TSPAN10: variants seen among roughly 807,000 people sequenced by gnomAD.
TSPAN10 encodes tetraspanin 10.
In TSPAN10, 11 loss-of-function variants were observed where a neutral mutation model predicts 15.0. The observed-to-expected ratio is 0.73, with a 90% CI of 0.46 to 1.21. The LOEUF (loss-of-function observed/expected upper bound fraction) is 1.21, where lower values mean the gene tolerates loss of function less well. TSPAN10 is among the 50% of genes most tolerant of loss of function. TSPAN10 has a pLI of 0.00. For synonymous variants in TSPAN10, 241 were observed against 226.2 expected, an observed-to-expected ratio of 1.07 and a Z score of -0.59; for missense variants, 486 against 470.6, an observed-to-expected ratio of 1.03 and a Z score of -0.30.
At chr17:81,643,435 C>A (rs1465869611) in intron 1 of TSPAN10, among the ~76,000 whole-genome samples, 1 of 54,302 alleles carries the variant, frequency 1.8e-5, no homozygotes, top group African/African-American at 1.1e-4. Context: ...AACGGTGAAA[C>A]CCTGTCTCTA....
At chr17:81,641,597 A>G (rs914271148), upstream of TSPAN10, among the ~76,000 whole-genome samples, 1 of 139,176 alleles carries the variant, frequency 7.2e-6, no homozygotes, top group Non-Finnish European at 1.5e-5. Context: ...TGCACCACCC[A>G]GACCACCTCT....
chr17:81,641,736 C>T (rs900280305), upstream of TSPAN10, among the ~76,000 whole-genome samples: 9 of 133,196 alleles, frequency 6.8e-5, no homozygotes, highest in Non-Finnish European at 1.2e-4. Context: ...GGCAGCACAG[C>T]AGAACCCTGT....
At chr17:81,645,226 G>T in exon 2 of TSPAN10, 1 of 1,541,078 alleles carries the variant, frequency 6.5e-7, no homozygotes, top group South Asian at 1.3e-5. Flanking sequence ...CTCCCTGCTG[G>T]GGCTGCTGGC....
chr17:81,646,819 G>A (rs2036260490), intron 2 of TSPAN10, among the ~76,000 whole-genome samples: 1 of 151,728 alleles, frequency 6.6e-6, no homozygotes, highest in South Asian at 2.1e-4. Context: ...CTTATATTCT[G>A]CTCAAGGGTA....
chr17:81,642,939 C>T (rs866169623), intron 1 of TSPAN10, among the ~76,000 whole-genome samples: 1 of 151,362 alleles, frequency 6.6e-6, no homozygotes, highest in Non-Finnish European at 1.5e-5. Context: ...ATTGCGTGAG[C>T]CCAGGAGTTC....
At chr17:81,645,421 G>T (rs1339860033) in exon 2 of TSPAN10, 13 of 1,603,018 alleles carry the variant, frequency 8.1e-6, no homozygotes, top group Non-Finnish European at 1.1e-5. Context: ...CTTCTCTGGG[G>T]GCATCCTTGC....
At chr17:81,648,191 G>T in exon 3 of TSPAN10, 1 of 1,400,554 alleles carries the variant, frequency 7.1e-7, no homozygotes, top group South Asian at 1.6e-5. Flanking sequence ...CTCGCTGCCC[G>T]CAGGGGGGCG....
upstream of TSPAN10, chr17:81,637,500 G>A (rs2036119680): frequency 1.5e-6 from 1 of 658,302 alleles, no homozygotes; most frequent in Non-Finnish European, 2.8e-6. Flanking sequence ...AAACAAACGA[G>A]TTTAAACTGC....
chr17:81,646,837 TTTTG>T (rs1333255308), intron 2 of TSPAN10, among the ~76,000 whole-genome samples: 1 of 47,532 alleles, frequency 2.1e-5, no homozygotes, highest in Non-Finnish European at 3.4e-5. Context: ...GTAGCTGTCT[TTTTG>T]TTGGTTTGTT....
upstream of TSPAN10, chr17:81,638,590 T>C (rs1290313778): frequency 6.6e-6 from 1 of 152,276 alleles, no homozygotes; most frequent in Non-Finnish European, 1.5e-5. Context: ...TGAGCCACCG[T>C]GCCCGGCTGG....
chr17:81,642,346 A>G (rs1160876373), upstream of TSPAN10: 1 of 1,598,108 alleles, frequency 6.3e-7, no homozygotes, highest in Non-Finnish European at 8.6e-7. Context: ...CCAGCAGCCC[A>G]GCCACAGAGG....
At chr17:81,647,618 C>T (rs1057437497) in intron 2 of TSPAN10, 1 of 655,370 alleles carries the variant, frequency 1.5e-6, no homozygotes, top group South Asian at 1.6e-5. Context: ...TGTCTGTTCC[C>T]CCTTCAACCG....
exon 2 of TSPAN10, chr17:81,645,119 A>C: frequency 1.3e-6 from 2 of 1,583,832 alleles, no homozygotes; most frequent in African/African-American, 2.7e-5. Flanking sequence ...ACCAAGCACC[A>C]GGCCTTGAGT....
At chr17:81,642,331 C>G, upstream of TSPAN10, 1 of 1,556,144 alleles carries the variant, frequency 6.4e-7, no homozygotes, top group Non-Finnish European at 8.9e-7. Context: ...GCAGTCAGGA[C>G]CAGCCCAGCA....
chr17:81,640,110 G>T (rs911262222), upstream of TSPAN10, among the ~76,000 whole-genome samples: 2 of 152,078 alleles, frequency 1.3e-5, no homozygotes, highest in Non-Finnish European at 2.9e-5. Flanking sequence ...AGCCTCCTCA[G>T]TAGCTGGGAC....
chr17:81,639,435 T>C (rs2036156933), upstream of TSPAN10, among the ~76,000 whole-genome samples: 1 of 151,726 alleles, frequency 6.6e-6, no homozygotes, highest in Non-Finnish European at 1.5e-5. Context: ...CTCGATCTCC[T>C]GACCTCGTGA....
chr17:81,639,976 T>A (rs2036163725), upstream of TSPAN10, among the ~76,000 whole-genome samples: 1 of 147,158 alleles, frequency 6.8e-6, no homozygotes, highest in African/African-American at 2.5e-5. Flanking sequence ...CAAGACTCCG[T>A]CTCAAAAAAA....
At chr17:81,648,470 G>T, downstream of TSPAN10, 4 of 606,846 alleles carry the variant, frequency 6.6e-6, no homozygotes, top group Non-Finnish European at 9.2e-6. Context: ...CCCCATGCCA[G>T]CCCCCAACGC....
At chr17:81,648,061 T>C (rs1282397627) in exon 3 of TSPAN10, 1 of 1,568,816 alleles carries the variant, frequency 6.4e-7, no homozygotes, top group Admixed American at 1.9e-5. Flanking sequence ...CCTGGAGGGC[T>C]GCGGCCCGCC....
Sources: gnomAD v4.1 joint callset for allele counts (sites outside exome capture counted in the v4.1 genomes callset) on GRCh38, gnomAD v4.1.1 for gene constraint, MANE v1.5 for transcripts, NCBI Gene and HGNC (gene_info 2026-07-23, HGNC 2026-07-21) for gene names.